SHTN1: variants seen among roughly 807,000 people sequenced by gnomAD.
The protein encoded by SHTN1 is shootin 1.
Under a neutral mutation model 83.1 loss-of-function variants are expected in SHTN1, and 42 were observed. The ratio of observed to expected loss-of-function variants is 0.51; its 90% CI spans 0.39 to 0.65. The LOEUF is 0.65. SHTN1 is among the 30% of genes least tolerant of loss of function. The pLI, the probability that SHTN1 is intolerant of heterozygous loss-of-function variation, is 0.00. For missense variants in SHTN1, 622 were observed against 737.8 expected (o/e 0.84, Z 1.82); for synonymous variants, 224 against 247.7 (o/e 0.90, Z 0.90).
At chr10:116,951,540 G>C (rs949839452) in intron 6 of SHTN1, among the ~76,000 whole-genome samples, 1 of 152,164 alleles carries the variant, frequency 6.6e-6, no homozygotes, top group Non-Finnish European at 1.5e-5. Flanking sequence ...CTTCCCAATT[G>C]AACCAGTCAT....
At position 116,896,430 on chromosome 10, in the gene SHTN1, G is replaced by A. The variant is rs551487256; in HGVS notation, c.1673+5335C>T. ...AACCTAGCTGGGGTGAAAGAAGGAA[G>A]GCTAGGCCCCAACCAGCTTCGGCTT... On this transcript the variant is annotated intron_variant, in intron 16 of 16. Transcript: ENST00000355371. 7.2e-5 allele frequency among the ~76,000 whole-genome samples: 11 copies of A among 152,220 alleles called. No individual in the cohort carries two copies. In the South Asian group the frequency reaches 2.3e-3, roughly 32 times the overall value.
intron 3 of SHTN1, among the ~76,000 whole-genome samples, chr10:116,967,974 G>C (rs1850459949): frequency 6.6e-6 from 1 of 152,172 alleles, no homozygotes; most frequent in Non-Finnish European, 1.5e-5. Context: ...ACGAGGTCAA[G>C]AGACCAGGAC....
At chr10:116,960,987 T>C (rs1285024118) in intron 3 of SHTN1, among the ~76,000 whole-genome samples, 1 of 152,176 alleles carries the variant, frequency 6.6e-6, no homozygotes, top group Non-Finnish European at 1.5e-5. Flanking sequence ...TAAAGTGATT[T>C]AGAACTTGAG....
At chr10:116,988,388 C>T (rs1360299054) in intron 1 of SHTN1, among the ~76,000 whole-genome samples, 1 of 151,498 alleles carries the variant, frequency 6.6e-6, no homozygotes, top group Non-Finnish European at 1.5e-5. Flanking sequence ...CCTAAAGGAT[C>T]TTGATATAGT....
At chr10:116,989,055 A>G (rs1454243804) in intron 1 of SHTN1, among the ~76,000 whole-genome samples, 2 of 152,188 alleles carry the variant, frequency 1.3e-5, no homozygotes, top group Admixed American at 1.3e-4. Context: ...AAAAATCCAT[A>G]TAATTATGTC....
chr10:116,929,861 A>G lies in SHTN1; in HGVS notation c.1000T>C (p.Leu334=). The G allele has an allele frequency of 6.2e-7, 1 of 1,602,944 alleles. No homozygotes were observed. The highest frequency in any genetic ancestry group is 8.5e-7 in the Non-Finnish European group (1 of 1,176,394). ...YQNSEEKARN[L]KHSVDELQKR... is the part of the protein sequence containing the mutation. ...TCAATGCTTTTACCAGAGTGCTTTAAATTTCTGGCTTTCTCTTCAGAATTC... is the reference window on the plus strand; with the variant it reads ...TCAATGCTTTTACCAGAGTGCTTTAGATTTCTGGCTTTCTCTTCAGAATTC... The change falls in exon 10 of 17, where the codon TTA becomes CTA. Residue 334 remains leucine (L), a synonymous_variant. Transcript: ENST00000355371.
chr10:116,942,976 T>C (rs1180510050), intron 8 of SHTN1, among the ~76,000 whole-genome samples: 3 of 152,240 alleles, frequency 2.0e-5, no homozygotes, highest in Non-Finnish European at 4.4e-5. Context: ...GCATAAACTT[T>C]GTAAAAAGGA....
In SHTN1 at chr10:116,997,874, C is replaced by A. The variant is rs1455056525; in HGVS notation, c.58+7148G>T. Among the ~76,000 whole-genome samples the A allele has an allele frequency of 3.3e-5, 5 of 152,120 alleles. No individual in the cohort carries two copies. The East Asian group carries it at 9.7e-4, about 29-fold the overall frequency. On this transcript the variant is annotated intron_variant, in intron 1 of 16. Coordinates refer to ENST00000355371, the MANE Select transcript of SHTN1 (RefSeq NM_001127211.3). ...TTGGGAGGCTGAGGCGGGTGGATCA[C>A]GAGGTCAGGAGACCGAAACCATCCT...
intron 2 of SHTN1, among the ~76,000 whole-genome samples, chr10:117,030,518 C>G (rs544279794): frequency 1.3e-5 from 2 of 151,948 alleles, no homozygotes; most frequent in Non-Finnish European, 2.9e-5. Flanking sequence ...AATAATGCAC[C>G]AGGAACCAAT....
chr10:116,900,395 C>G, intron 16 of SHTN1: 1 of 713,322 alleles, frequency 1.4e-6, no homozygotes, highest in Non-Finnish European at 2.4e-6. Flanking sequence ...GGATCCTTTT[C>G]ACTGTCAATT....
At chr10:117,026,956 ACCCAGCACAGT>A (rs1852340988) in intron 2 of SHTN1, among the ~76,000 whole-genome samples, 1 of 152,076 alleles carries the variant, frequency 6.6e-6, no homozygotes, top group Non-Finnish European at 1.5e-5. Context: ...GACTTCTTTG[ACCCAGCACAGT>A]CCCAATGATG....
chr10:116,970,506 G>A (rs866077785), intron 2 of SHTN1, among the ~76,000 whole-genome samples: 1 of 152,168 alleles, frequency 6.6e-6, no homozygotes, highest in South Asian at 2.1e-4. Flanking sequence ...ATGAGGTCAA[G>A]AGATCGAGAC....
chr10:117,083,990 A>G (rs1054380870), intron 1 of SHTN1, among the ~76,000 whole-genome samples: 3 of 151,878 alleles, frequency 2.0e-5, no homozygotes, highest in Admixed American at 6.6e-5. Context: ...TTTGGTTTGA[A>G]TGTCCTCCCA....
chr10:116,915,579 A>C, intron 12 of SHTN1, 95 bp from the exon 13 acceptor site: 1 of 684,874 alleles, frequency 1.5e-6, no homozygotes, highest in Non-Finnish European at 2.6e-6. Flanking sequence ...TATGCAATTA[A>C]TCACAGTCAT....
chr10:116,895,111 T>C (rs1847471286), intron 16 of SHTN1, among the ~76,000 whole-genome samples: 1 of 152,220 alleles, frequency 6.6e-6, no homozygotes, highest in Non-Finnish European at 1.5e-5. Context: ...TTTGGTGCTT[T>C]AGAATGTATG....
chr10:117,003,110 T>G (rs1851879628), intron 1 of SHTN1, among the ~76,000 whole-genome samples: 1 of 152,070 alleles, frequency 6.6e-6, no homozygotes, highest in Admixed American at 6.6e-5. Context: ...TTTTTTTATG[T>G]TTATCATTAT....
chr10:117,026,904 G>T (rs1187415294), intron 2 of SHTN1, among the ~76,000 whole-genome samples: 7 of 152,178 alleles, frequency 4.6e-5, no homozygotes, highest in Non-Finnish European at 7.3e-5. Flanking sequence ...GGTAGCCAGG[G>T]AGTGGGTGTA....
chr10:116,995,441 T>A (rs1851594498), intron 1 of SHTN1, among the ~76,000 whole-genome samples: 1 of 152,172 alleles, frequency 6.6e-6, no homozygotes. Context: ...ACACTACTGA[T>A]TCTTTTATTT....
At chr10:117,005,273 G>A, upstream of SHTN1, 1 of 1,439,200 alleles carries the variant, frequency 6.9e-7, no homozygotes, top group East Asian at 2.6e-5. Context: ...GGCGGCTGCG[G>A]CCGCTTCACC....
Sources: allele counts gnomAD v4.1 joint callset (sites outside exome capture counted in the v4.1 genomes callset), GRCh38; gene constraint gnomAD v4.1.1; transcripts MANE v1.5; gene names NCBI Gene and HGNC (gene_info 2026-07-23, HGNC 2026-07-21).